Variants in SLC2A13 observed in about 807,000 individuals in gnomAD.
SLC2A13 encodes the protein proton myo-inositol cotransporter.
A neutral mutation model predicts 64.4 loss-of-function variants in SLC2A13; 32 were observed. The observed-to-expected ratio is 0.50, with a 90% CI of 0.37 to 0.67. SLC2A13 has a LOEUF of 0.67. Ranked by LOEUF, SLC2A13 falls within the 30% of genes least tolerant of loss-of-function variation. The pLI, the probability that SLC2A13 is intolerant of heterozygous loss-of-function variation, is 0.00. For synonymous variants in SLC2A13, 338 were observed against 327.1 expected (o/e 1.03, Z -0.36); for missense variants, 743 against 829.2 (o/e 0.90, Z 1.28).
At chr12:39,973,195 C>G (rs1946696340) in intron 3 of SLC2A13, among the ~76,000 whole-genome samples, 1 of 152,200 alleles carries the variant, frequency 6.6e-6, no homozygotes. Flanking sequence ...GTCAAGCTCT[C>G]CAACTACCTC....
intron 4 of SLC2A13, among the ~76,000 whole-genome samples, chr12:39,882,064 T>A (rs925846170): frequency 1.3e-5 from 2 of 152,196 alleles, no homozygotes; most frequent in East Asian, 3.8e-4. Flanking sequence ...ACTGACATAA[T>A]ATGTCACTCT....
chr12:39,772,873 CA>C (rs1555234062), intron 7 of SLC2A13, among the ~76,000 whole-genome samples: 1 of 8,192 alleles, frequency 1.2e-4, no homozygotes, highest in Admixed American at 1.5e-3. Context: ...AGTAGCTCCT[CA>C]TCATCCTCAT....
intron 1 of SLC2A13, among the ~76,000 whole-genome samples, chr12:40,082,917 C>T (rs1938460329): frequency 6.6e-6 from 1 of 152,140 alleles, no homozygotes; most frequent in African/African-American, 2.4e-5. Context: ...GGTTTCCTCC[C>T]CCACTTCAGC....
chr12:39,975,214 A>T (rs1213565851), intron 3 of SLC2A13, among the ~76,000 whole-genome samples: 2 of 152,186 alleles, frequency 1.3e-5, no homozygotes, highest in Non-Finnish European at 2.9e-5. Context: ...CTTTCTGTTA[A>T]ATCCTAATTT....
intron 3 of SLC2A13, among the ~76,000 whole-genome samples, chr12:39,986,524 A>G (rs1454794140): frequency 2.0e-5 from 3 of 151,818 alleles, no homozygotes; most frequent in Non-Finnish European, 4.4e-5. Context: ...TGAATTACTG[A>G]AAAAAAATGA....
intron 3 of SLC2A13, among the ~76,000 whole-genome samples, chr12:40,004,762 C>G (rs1947384745): frequency 1.3e-5 from 2 of 152,034 alleles, no homozygotes; most frequent in African/African-American, 2.4e-5. Context: ...TTATCAATAA[C>G]ACAAACAGTT....
intron 4 of SLC2A13, among the ~76,000 whole-genome samples, chr12:39,895,527 TA>T (rs1288612241): frequency 2.2e-5 from 1 of 45,562 alleles, no homozygotes; most frequent in Non-Finnish European, 5.2e-5. Flanking sequence ...TATATATATA[TA>T]TATATATATA....
chr12:39,902,953 G>A (rs997610944), intron 4 of SLC2A13, among the ~76,000 whole-genome samples: 1 of 152,008 alleles, frequency 6.6e-6, no homozygotes, highest in African/African-American at 2.4e-5. Context: ...TGTTGACTAC[G>A]TTCCAGGAAA....
chr12:39,934,745 T>C (rs1945888486), intron 4 of SLC2A13, among the ~76,000 whole-genome samples: 1 of 152,256 alleles, frequency 6.6e-6, no homozygotes, highest in Non-Finnish European at 1.5e-5. Flanking sequence ...TATTTTCTGG[T>C]ACTGAGTGTT....
Position 39,827,818 on chromosome 12 carries a change from T to C in SLC2A13, c.1445+2285A>G, listed in dbSNP as rs547582694. The stretch of plus-strand genomic sequence containing the variant: ...AAATGATTTTCATTATATTGACAAT[T>C]CAGAGTTCATCAACATTATTATACT... On this transcript the variant is annotated intron_variant, in intron 7 of 9. Coordinates refer to ENST00000280871, the MANE Select transcript of SLC2A13 (RefSeq NM_052885.4). Among the ~76,000 whole-genome samples the C allele has an allele frequency of 2.0e-5, 3 of 152,278 alleles. No homozygotes were observed. In the South Asian group the frequency reaches 6.2e-4, roughly 32 times the overall value.
intron 1 of SLC2A13, among the ~76,000 whole-genome samples, chr12:40,077,359 C>T (rs1238811509): frequency 1.3e-5 from 2 of 152,060 alleles, no homozygotes; most frequent in African/African-American, 4.8e-5. Context: ...CAGCTGCAAA[C>T]TTTTGTATAT....
chr12:39,827,145 T>C (rs1942715710), intron 7 of SLC2A13, among the ~76,000 whole-genome samples: 1 of 151,922 alleles, frequency 6.6e-6, no homozygotes, highest in East Asian at 1.9e-4. Context: ...ATTCCTAACA[T>C]GCCTCTATGG....
intron 6 of SLC2A13, among the ~76,000 whole-genome samples, chr12:39,849,685 CTCTT>C (rs1355237676): frequency 6.6e-6 from 1 of 152,086 alleles, no homozygotes; most frequent in Non-Finnish European, 1.5e-5. Flanking sequence ...AAGTTTGTCT[CTCTT>C]GGAATCTCAT....
intron 1 of SLC2A13, among the ~76,000 whole-genome samples, chr12:40,077,746 T>G (rs572851263): frequency 6.6e-6 from 1 of 152,182 alleles, no homozygotes; most frequent in African/African-American, 2.4e-5. Context: ...GTTGGACATA[T>G]GGCCATTTAA....
intron 1 of SLC2A13, among the ~76,000 whole-genome samples, chr12:40,074,320 C>G (rs567634605): frequency 1.3e-5 from 2 of 151,992 alleles, no homozygotes; most frequent in South Asian, 4.1e-4. Context: ...CATGCACCAC[C>G]TATGTCCAGC....
chr12:40,042,379 T>C (rs1948103240), intron 2 of SLC2A13, among the ~76,000 whole-genome samples: 1 of 152,134 alleles, frequency 6.6e-6, no homozygotes, highest in African/African-American at 2.4e-5. Context: ...GAGACACTCA[T>C]TTGAAAATCA....
At chr12:39,998,121 T>G (rs1251843330) in intron 3 of SLC2A13, among the ~76,000 whole-genome samples, 1 of 152,130 alleles carries the variant, frequency 6.6e-6, no homozygotes, top group African/African-American at 2.4e-5. Flanking sequence ...GAACCAACCC[T>G]AACACCCATC....
At chr12:39,999,496 C>CA (rs1451324838) in intron 3 of SLC2A13, among the ~76,000 whole-genome samples, 106 of 152,198 alleles carry the variant, frequency 7.0e-4, no homozygotes, top group African/African-American at 2.5e-3. Context: ...GAGATAAGGA[C>CA]TGAAATATGC....
intron 1 of SLC2A13, among the ~76,000 whole-genome samples, chr12:40,102,892 T>A (rs1466178701): frequency 6.6e-6 from 1 of 152,232 alleles, no homozygotes; most frequent in Non-Finnish European, 1.5e-5. Context: ...AATCCTAATT[T>A]GAAGTGGATT....
Sources: allele counts gnomAD v4.1 joint callset (sites outside exome capture counted in the v4.1 genomes callset), GRCh38; gene constraint gnomAD v4.1.1; transcripts MANE v1.5; gene names NCBI Gene and HGNC (gene_info 2026-07-23, HGNC 2026-07-21).